The following SLC16A7 variants were observed in gnomAD, a reference collection of about 807,000 sequenced individuals.
SLC16A7 encodes the protein solute carrier family 16 member 7, also known as monocarboxylate transporter 2.
A neutral mutation model predicts 34.9 loss-of-function variants in SLC16A7; 33 were observed. The observed-to-expected ratio is 0.94, with a 90% CI of 0.72 to 1.26. SLC16A7 has a LOEUF of 1.26. Ranked by LOEUF, SLC16A7 falls within the 50% of genes most tolerant of loss-of-function variation. The pLI, the probability that SLC16A7 is intolerant of heterozygous loss-of-function variation, is 0.00. For missense variants in SLC16A7, 573 were observed against 578.1 expected (o/e 0.99, Z 0.09); for synonymous variants, 201 against 206.6 (o/e 0.97, Z 0.23).
intron 2 of SLC16A7, among the ~76,000 whole-genome samples, chr12:59,672,948 C>T (rs1870010899): frequency 1.3e-5 from 2 of 152,010 alleles, no homozygotes; most frequent in East Asian, 1.9e-4. Flanking sequence ...TTATAGTAGT[C>T]CAAGGACTTT....
chr12:59,672,218 ATG>A lies in SLC16A7; in HGVS notation c.-31+16972_-31+16973del, dbSNP rs1377815307. On this transcript the variant is annotated intron_variant, in intron 2 of 5. Coordinates refer to ENST00000547379, the MANE Select transcript of SLC16A7 (RefSeq NM_001270623.2). The stretch of plus-strand genomic sequence containing the variant: ...TATATATACATATATACGTATATAT[ATG>A]TGTATATATGCATATATACGTATAT... Among the ~76,000 whole-genome samples the A allele has an allele frequency of 5.1e-4, 56 of 110,202 alleles. 1 individual carries two copies. The highest frequency in any genetic ancestry group is 1.4e-3 in the African/African-American group (50 of 35,010). The allele number at this position is 110,202 out of a possible 152,430, so 72.3% of individuals were successfully genotyped here. A position where few individuals can be genotyped will look rare whatever the true frequency, so the allele number is the denominator to read the frequency against.
Position 59,608,074 on chromosome 12 carries a change from C to A in SLC16A7, c.-130+11838C>A, listed in dbSNP as rs115170246. On this transcript the variant is annotated intron_variant, in intron 1 of 5. Coordinates refer to ENST00000547379, the MANE Select transcript of SLC16A7 (RefSeq NM_001270623.2). ...TAAAAAGTTGAGTTAGCTCTTAGTACAAATGGTTCTGCAAATTTTTATTGA... is the reference window on the plus strand; with the variant it reads ...TAAAAAGTTGAGTTAGCTCTTAGTAAAAATGGTTCTGCAAATTTTTATTGA... 8.3e-3 allele frequency among the ~76,000 whole-genome samples: 1,260 copies of A among 152,260 alleles called. 15 individuals carry two copies. The highest frequency in any genetic ancestry group is 0.029 in the African/African-American group (1,212 of 41,554).
In SLC16A7 at chr12:59,775,472, G is replaced by T. The variant is rs1292809277; in HGVS notation, c.1177G>T (p.Ala393Ser). The T allele has an allele frequency of 9.3e-6, 15 of 1,611,558 alleles. No homozygotes were observed. In the South Asian group the frequency reaches 1.5e-4, roughly 17 times the overall value. Residue 393 changes from alanine (A) to serine (S), a missense_variant, in exon 5 of 6, where the codon GCA (alanine) becomes TCA (serine). Physicochemically the swap from Ala to Ser is moderately conservative, Grantham distance 99. Coordinates refer to ENST00000547379, the MANE Select transcript of SLC16A7 (RefSeq NM_001270623.2). ...CCCAGTTCTTCTTGGCCCTCCTCTT[G>T]CAGGTAAGAACGTTTTTCATCAAGG... ...CGPVLLGPPL[A>S]GKLVDLTGEY...
At chr12:59,734,827 A>G (rs1877398337) in intron 3 of SLC16A7, among the ~76,000 whole-genome samples, 1 of 152,268 alleles carries the variant, frequency 6.6e-6, no homozygotes, top group African/African-American at 2.4e-5. Flanking sequence ...AAAAATATAA[A>G]TAACACATTA....
rs879509043 is a variant in SLC16A7 at position 59,789,268 on chromosome 12, T to A, written c.*9589T>A. The A allele has an allele frequency of 6.6e-6, 1 of 152,150 alleles. No individual in the cohort carries two copies. The highest frequency in any genetic ancestry group is 6.5e-5 in the Admixed American group (1 of 15,276). The allele number at this position is 152,150 out of a possible 1,614,324, so 9.4% of individuals were successfully genotyped here. On this transcript the variant is annotated 3_prime_UTR_variant, in exon 6 of 6. Transcript: ENST00000547379. ...TTCTACGATGCAGGCTGAATGTATA[T>A]TACAGTAATTCTCTGGCTAATTTTA...
chr12:59,730,412 C>T (rs143842138), intron 3 of SLC16A7, among the ~76,000 whole-genome samples: 1 of 150,922 alleles, frequency 6.6e-6, no homozygotes, highest in African/African-American at 2.4e-5. Context: ...TCCAAAATGG[C>T]ACCTATTTCC....
chr12:59,739,341 A>G (rs1255101366), intron 3 of SLC16A7, among the ~76,000 whole-genome samples: 7 of 139,796 alleles, frequency 5.0e-5, no homozygotes, highest in East Asian at 2.1e-4. Flanking sequence ...ATGATTTCCA[A>G]TTTCATCCAT....
intron 1 of SLC16A7, among the ~76,000 whole-genome samples, chr12:59,622,489 A>G (rs1879738205): frequency 6.6e-6 from 1 of 151,836 alleles, no homozygotes; most frequent in South Asian, 2.1e-4. Flanking sequence ...TATATTCTGC[A>G]TGTATTTCAG....
intron 2 of SLC16A7, among the ~76,000 whole-genome samples, chr12:59,699,415 A>G (rs941881565): frequency 1.3e-5 from 2 of 151,720 alleles, no homozygotes; most frequent in Non-Finnish European, 3.0e-5. Flanking sequence ...TTTCATGTCT[A>G]CTGCATTAGA....
At chr12:59,600,041 A>T (rs749492059) in intron 1 of SLC16A7, among the ~76,000 whole-genome samples, 2 of 152,176 alleles carry the variant, frequency 1.3e-5, no homozygotes, top group Non-Finnish European at 2.9e-5. Flanking sequence ...CTTATCAACA[A>T]AGACAAGTTG....
At chr12:59,712,182 G>A (rs1035462527) in intron 3 of SLC16A7, among the ~76,000 whole-genome samples, 3 of 152,226 alleles carry the variant, frequency 2.0e-5, no homozygotes, top group Non-Finnish European at 4.4e-5. Context: ...CACTGCAGTT[G>A]TTGCTGCTGT....
intron 2 of SLC16A7, among the ~76,000 whole-genome samples, chr12:59,661,967 C>T (rs1945391216): frequency 6.6e-6 from 1 of 151,930 alleles, no homozygotes; most frequent in African/African-American, 2.4e-5. Context: ...ACTGTTAGTA[C>T]TACTCAGTGA....
intron 1 of SLC16A7, among the ~76,000 whole-genome samples, chr12:59,642,738 G>A (rs1057339046): frequency 1.3e-5 from 2 of 152,026 alleles, no homozygotes; most frequent in Non-Finnish European, 2.9e-5. Flanking sequence ...GATTGAGGAA[G>A]AACATGCAAT....
chr12:59,625,402 AAGG>A (rs1879882755), intron 1 of SLC16A7, among the ~76,000 whole-genome samples: 1 of 151,838 alleles, frequency 6.6e-6, no homozygotes, highest in African/African-American at 2.4e-5. Flanking sequence ...AGATGGTAAC[AAGG>A]GATACTATTT....
chr12:59,754,832 G>A (rs907204264), intron 3 of SLC16A7, among the ~76,000 whole-genome samples: 1 of 152,136 alleles, frequency 6.6e-6, no homozygotes, highest in South Asian at 2.1e-4. Flanking sequence ...CAATATCCTT[G>A]ATGAACATTG....
chr12:59,704,630 T>A, intron 2 of SLC16A7, 142 bp from the exon 3 acceptor site: 1 of 522,462 alleles, frequency 1.9e-6, no homozygotes, highest in Non-Finnish European at 3.4e-6. Context: ...TTCTGGTAAT[T>A]TTCTGAGTAT....
intron 2 of SLC16A7, chr12:59,696,464 T>C (rs1341014280): frequency 6.6e-6 from 1 of 152,068 alleles, no homozygotes; most frequent in African/African-American, 2.4e-5. Context: ...GTTTAGTGAC[T>C]AGGCTTAAAG....
rs7342290 is a variant in SLC16A7, at chr12:59,686,489, G to A, written c.-30-18283G>A. Among the ~76,000 whole-genome samples the A allele has an allele frequency of 1.0e-3, 157 of 151,882 alleles. 2 individuals are homozygous for A. The highest frequency in any genetic ancestry group is 3.7e-3 in the African/African-American group (152 of 41,270). Reference sequence around the variant, plus strand: ...TGCACATCACATAAAGCAAGTTACTGGATATTGAGTCATCTTAATCACTTG... The same window carrying A: ...TGCACATCACATAAAGCAAGTTACTAGATATTGAGTCATCTTAATCACTTG... On this transcript the variant is annotated intron_variant, in intron 2 of 5. Transcript: ENST00000547379.
At chr12:59,686,490 G>A (rs949557369) in intron 2 of SLC16A7, among the ~76,000 whole-genome samples, 19 of 151,844 alleles carry the variant, frequency 1.3e-4, no homozygotes, top group East Asian at 3.9e-4. Flanking sequence ...CAAGTTACTG[G>A]ATATTGAGTC....
Sources: allele counts gnomAD v4.1 joint callset (sites outside exome capture counted in the v4.1 genomes callset), GRCh38; gene constraint gnomAD v4.1.1; transcripts MANE v1.5; gene names NCBI Gene and HGNC (gene_info 2026-07-23, HGNC 2026-07-21).